Variants in NT5DC3 observed in about 807,000 individuals in gnomAD.
NT5DC3 encodes the protein 5'-nucleotidase domain containing 3.
NT5DC3 carries 42 observed loss-of-function variants against 67.8 expected under a neutral mutation model. That is an observed-to-expected ratio of 0.62 (90% CI 0.48 to 0.80). The LOEUF is 0.80. Among genes scored for constraint, NT5DC3 ranks in the 30% least tolerant of loss-of-function variants. The pLI, the probability that NT5DC3 is intolerant of heterozygous loss-of-function variation, is 0.00. For synonymous variants in NT5DC3, 237 were observed against 255.6 expected (o/e 0.93, Z 0.69); for missense variants, 570 against 696.4 (o/e 0.82, Z 2.04).
At chr12:103,822,669 G>A (rs1328392708) in intron 1 of NT5DC3, among the ~76,000 whole-genome samples, 2 of 152,318 alleles carry the variant, frequency 1.3e-5, no homozygotes, top group East Asian at 3.9e-4. Flanking sequence ...TGTTTTGTCT[G>A]TAATAACGGA....
chr12:103,784,360 C>G (rs955059767), intron 12 of NT5DC3, among the ~76,000 whole-genome samples: 11 of 152,218 alleles, frequency 7.2e-5, no homozygotes, highest in Admixed American at 7.2e-4. Context: ...CCCAGGGGGA[C>G]GTGCAGGGCC....
chr12:103,818,562 G>A (rs528194355), intron 1 of NT5DC3, among the ~76,000 whole-genome samples: 14 of 152,178 alleles, frequency 9.2e-5, no homozygotes, highest in Middle Eastern at 3.4e-3. Context: ...TTTTAGTAGA[G>A]ACAGGGTTTC....
the NT5DC3 span, among the ~76,000 whole-genome samples, chr12:103,760,677 C>T: frequency 2.6e-5 from 4 of 152,052 alleles, no homozygotes; most frequent in Non-Finnish European, 2.9e-5. Context: ...ACCATGATGT[C>T]GGATTCAGGT....
chr12:103,768,063 G>A (rs1182494777), downstream of NT5DC3, among the ~76,000 whole-genome samples: 1 of 145,800 alleles, frequency 6.9e-6, no homozygotes, highest in East Asian at 2.0e-4. Context: ...ACTCCAGCCT[G>A]GGCAACAGAG....
chr12:103,791,330 C>T (rs1886050417), intron 9 of NT5DC3, among the ~76,000 whole-genome samples: 1 of 152,112 alleles, frequency 6.6e-6, no homozygotes, highest in South Asian at 2.1e-4. Context: ...CCCCAGAATC[C>T]ACTAAGAAAA....
chr12:103,795,659 TA>T lies in NT5DC3; in HGVS notation c.753+1234del, dbSNP rs1384626600. 7.2e-5 allele frequency among the ~76,000 whole-genome samples: 11 copies of T among 152,082 alleles called. No individual in the cohort carries two copies. The South Asian group carries it at 1.2e-3, about 17-fold the overall frequency. On this transcript the variant is annotated intron_variant, in intron 6 of 13. Transcript: ENST00000392876. The stretch of plus-strand genomic sequence containing the variant: ...ATTTTAATGTGTAAATATGTATCTT[TA>T]AAAAATATATTTAAATAAACACATA...
chr12:103,831,438 C>T (rs1887919776), intron 1 of NT5DC3, among the ~76,000 whole-genome samples: 2 of 152,148 alleles, frequency 1.3e-5, no homozygotes, highest in Non-Finnish European at 2.9e-5. Flanking sequence ...TACAGATTGC[C>T]AGACAATACA....
intron 12 of NT5DC3, among the ~76,000 whole-genome samples, chr12:103,780,723 ATATAT>A (rs1566098026): frequency 6.6e-6 from 1 of 152,228 alleles, no homozygotes; most frequent in African/African-American, 2.4e-5. Context: ...TCCATTACAC[ATATAT>A]TATATACATG....
At chr12:103,787,624 T>C in intron 10 of NT5DC3, 97 bp from the exon 11 acceptor site, 1 of 577,834 alleles carries the variant, frequency 1.7e-6, no homozygotes, top group Non-Finnish European at 2.9e-6. Context: ...GTTGTTTTTA[T>C]AACTTATTTT....
At chr12:103,812,016 A>C (rs1887054401) in intron 2 of NT5DC3, among the ~76,000 whole-genome samples, 1 of 152,068 alleles carries the variant, frequency 6.6e-6, no homozygotes, top group Non-Finnish European at 1.5e-5. Context: ...TGGGAGATGA[A>C]ATCAAGAGCT....
the NT5DC3 span, chr12:103,758,277 G>A: frequency 6.2e-7 from 1 of 1,613,532 alleles, no homozygotes; most frequent in Non-Finnish European, 8.5e-7. Flanking sequence ...ACAGTGGGCT[G>A]GGGGAGAATG....
At chr12:103,764,915 T>C in the NT5DC3 span, among the ~76,000 whole-genome samples, 1 of 146,818 alleles carries the variant, frequency 6.8e-6, no homozygotes, top group Admixed American at 6.9e-5. Flanking sequence ...CTGGCCAACA[T>C]GGTGAAATCC....
chr12:103,750,316 G>C, the NT5DC3 span, among the ~76,000 whole-genome samples: 1 of 152,234 alleles, frequency 6.6e-6, no homozygotes, highest in Non-Finnish European at 1.5e-5. Context: ...TGTGATAGAA[G>C]GGAATGGAAA....
In NT5DC3 at chr12:103,778,101, G is replaced by A; in HGVS notation, c.1395-20C>T. The A allele has an allele frequency of 6.4e-7, 1 of 1,572,500 alleles. No homozygotes were observed. The highest frequency in any genetic ancestry group is 8.6e-7 in the Non-Finnish European group (1 of 1,157,328). On this transcript the variant is annotated intron_variant, in intron 13 of 13. Transcript: ENST00000392876. Reference sequence around the variant, plus strand: ...ATTTCTCTGAAGAGGCAATAAAAAAGCAAAGCAACAGAGAATGATTCAAAA... The same window carrying A: ...ATTTCTCTGAAGAGGCAATAAAAAAACAAAGCAACAGAGAATGATTCAAAA...
intron 1 of NT5DC3, among the ~76,000 whole-genome samples, chr12:103,833,495 G>A (rs4964571): frequency 0.18 from 27,476 of 151,722 alleles, 2,628 homozygotes; most frequent in Middle Eastern, 0.31. Flanking sequence ...GCTTATACAC[G>A]CTAAGCTTAC....
At chr12:103,837,127 T>C (rs773795124) in intron 1 of NT5DC3, among the ~76,000 whole-genome samples, 14 of 152,240 alleles carry the variant, frequency 9.2e-5, no homozygotes, top group Non-Finnish European at 1.6e-4. Flanking sequence ...GGTGCACCCG[T>C]AGGCTCAACA....
At chr12:103,761,450 C>T in the NT5DC3 span, 8 of 1,571,674 alleles carry the variant, frequency 5.1e-6, no homozygotes, top group Non-Finnish European at 7.0e-6. Context: ...CAGGAGGAGC[C>T]CCGGTGCCCA....
intron 2 of NT5DC3, among the ~76,000 whole-genome samples, chr12:103,811,836 C>T (rs1887045555): frequency 6.6e-6 from 1 of 152,024 alleles, no homozygotes; most frequent in Non-Finnish European, 1.5e-5. Flanking sequence ...TTTCCGTAAG[C>T]CTAAAACTAT....
At chr12:103,799,946 C>T (rs1313273268) in intron 4 of NT5DC3, among the ~76,000 whole-genome samples, 1 of 152,200 alleles carries the variant, frequency 6.6e-6, no homozygotes, top group Non-Finnish European at 1.5e-5. Flanking sequence ...TGCTCCTCCA[C>T]CCCTCCTGTG....
Sources: gnomAD v4.1 joint callset for allele counts (sites outside exome capture counted in the v4.1 genomes callset) on GRCh38, gnomAD v4.1.1 for gene constraint, MANE v1.5 for transcripts, NCBI Gene and HGNC (gene_info 2026-07-23, HGNC 2026-07-21) for gene names.